The following PALLD variants were observed in gnomAD, a reference collection of about 807,000 sequenced individuals.
PALLD encodes the protein palladin.
PALLD carries 61 observed loss-of-function variants against 123.5 expected under a neutral mutation model. The ratio of observed to expected loss-of-function variants is 0.49; its 90% CI spans 0.40 to 0.61. The LOEUF (loss-of-function observed/expected upper bound fraction) is 0.61. PALLD is among the 20% of genes least tolerant of loss of function. PALLD has a pLI of 0.00. For missense variants in PALLD, 1,273 were observed against 1,377.0 expected (o/e 0.92, Z 1.20); for synonymous variants, 465 against 496.4 (o/e 0.94, Z 0.84).
At position 168,926,376 on chromosome 4, in the gene PALLD, G is replaced by A. The variant is rs896702235; in HGVS notation, c.*196G>A. On this transcript the variant is annotated 3_prime_UTR_variant, in exon 22 of 22. Coordinates refer to ENST00000505667, the MANE Select transcript of PALLD (RefSeq NM_001166108.2). The stretch of plus-strand genomic sequence containing the variant: ...TGAATACTGCCTTGGTAGAAAGTGA[G>A]GACCTGTAATCCAGCATTCTTGTTA... 4.6e-6 allele frequency: 7 copies of A among 1,536,544 alleles called. No individual in the cohort carries two copies. The highest frequency in any genetic ancestry group is 2.7e-5 in the African/African-American group (2 of 72,994).
intron 2 of PALLD, among the ~76,000 whole-genome samples, chr4:168,543,875 C>T (rs1207502355): frequency 6.6e-6 from 1 of 152,144 alleles, no homozygotes; most frequent in Admixed American, 6.5e-5. Context: ...GGAAGAGATC[C>T]TTCTAGTTTT....
chr4:168,784,295 T>G (rs1581451396), intron 10 of PALLD, among the ~76,000 whole-genome samples: 1 of 149,954 alleles, frequency 6.7e-6, no homozygotes, highest in African/African-American at 2.5e-5. Flanking sequence ...ATTGTGCCAC[T>G]GCACTTCAGC....
chr4:168,741,648 C>T (rs551628067), intron 10 of PALLD, among the ~76,000 whole-genome samples: 13 of 152,068 alleles, frequency 8.5e-5, no homozygotes, highest in African/African-American at 1.2e-4. Context: ...TGTGTCACTG[C>T]GCTCCAGCCT....
chr4:168,579,600 T>C (rs1770019831), intron 2 of PALLD, among the ~76,000 whole-genome samples: 1 of 152,006 alleles, frequency 6.6e-6, no homozygotes, highest in Non-Finnish European at 1.5e-5. Context: ...TAAAGGAAAA[T>C]TAACAAATTA....
chr4:168,734,075 C>T (rs1787482096), intron 10 of PALLD, among the ~76,000 whole-genome samples: 1 of 152,142 alleles, frequency 6.6e-6, no homozygotes, highest in South Asian at 2.1e-4. Flanking sequence ...GTTAAAATCT[C>T]AAATCCTGAG....
intron 10 of PALLD, among the ~76,000 whole-genome samples, chr4:168,720,248 C>T (rs1785861914): frequency 6.6e-6 from 1 of 152,184 alleles, no homozygotes; most frequent in African/African-American, 2.4e-5. Flanking sequence ...GAAGAATGGC[C>T]AATCCCTAAA....
intron 2 of PALLD, among the ~76,000 whole-genome samples, chr4:168,559,253 C>T (rs1767621725): frequency 6.6e-6 from 1 of 152,166 alleles, no homozygotes; most frequent in African/African-American, 2.4e-5. Flanking sequence ...CCTCTGAAAA[C>T]TCTAATTAGT....
rs28447399 is a variant in PALLD, at chr4:168,671,520, T to C, written c.1087+3152T>C. Among the ~76,000 whole-genome samples, 784 of 152,178 alleles carry C rather than the reference T, an allele frequency of 5.2e-3. 4 individuals are homozygous for C. Among genetic ancestry groups the C allele is most frequent in the African/African-American group, 0.018 (755 of 41,532 alleles). ...GACTTTAGATAAATTGAAGGGAGAG[T>C]AAGGAAACTGGACATAGCAAGAATG... On this transcript the variant is annotated intron_variant, in intron 3 of 21. Transcript: ENST00000505667.
At chr4:168,793,197 G>A (rs1737825440) in intron 10 of PALLD, among the ~76,000 whole-genome samples, 1 of 104,958 alleles carries the variant, frequency 9.5e-6, no homozygotes, top group Non-Finnish European at 1.9e-5. Flanking sequence ...ATATATATGT[G>A]TGCATATATA....
intron 2 of PALLD, among the ~76,000 whole-genome samples, chr4:168,545,177 T>C (rs1192075596): frequency 6.6e-6 from 1 of 152,170 alleles, no homozygotes; most frequent in Non-Finnish European, 1.5e-5. Context: ...ACTTAGTATC[T>C]CTCTAAAGCC....
At chr4:168,735,810 T>C (rs560060939) in intron 10 of PALLD, among the ~76,000 whole-genome samples, 125 of 152,348 alleles carry the variant, frequency 8.2e-4, no homozygotes, top group Non-Finnish European at 1.2e-3. Flanking sequence ...GTCTGTCTTC[T>C]GAACAAGCGA....
At chr4:168,623,141 T>G (rs1163302243) in intron 2 of PALLD, among the ~76,000 whole-genome samples, 2 of 152,154 alleles carry the variant, frequency 1.3e-5, no homozygotes, top group Non-Finnish European at 2.9e-5. Flanking sequence ...AAAATACACA[T>G]TTTTGGAAAC....
rs114395523 is a variant in PALLD at position 168,766,569 on chromosome 4, G to A, written c.1964+54646G>A. Among the ~76,000 whole-genome samples the A allele has an allele frequency of 8.8e-3, 1,343 of 152,310 alleles. 17 individuals are homozygous for A. The highest frequency in any genetic ancestry group is 0.03 in the African/African-American group (1,247 of 41,562). On this transcript the variant is annotated intron_variant, in intron 10 of 21. Coordinates refer to ENST00000505667, the MANE Select transcript of PALLD (RefSeq NM_001166108.2). ...GAATGGACACATGCAGAGACGGAGAGCCTGTTTCCTGAGAAGGCCAAGCCA... is the reference window on the plus strand; with the variant it reads ...GAATGGACACATGCAGAGACGGAGAACCTGTTTCCTGAGAAGGCCAAGCCA...
At chr4:168,722,731 T>C (rs1314420879) in intron 10 of PALLD, among the ~76,000 whole-genome samples, 2 of 152,228 alleles carry the variant, frequency 1.3e-5, no homozygotes, top group African/African-American at 4.8e-5. Context: ...TCAGCAATAA[T>C]GAGCACTGTG....
rs1281281779 is a variant in PALLD, at chr4:168,927,439, G to GT, written c.*1262dup. ...CTGTGGAGATTGCAGTGTGTCTGAG[G>GT]TTTGTGTAGTAGTGGAAGATTTTAG... is the stretch of plus-strand genomic sequence containing the variant. On this transcript the variant is annotated 3_prime_UTR_variant, in exon 22 of 22. Transcript: ENST00000505667. The GT allele has an allele frequency of 1.7e-5, 4 of 232,772 alleles. No individual in the cohort carries two copies. Among genetic ancestry groups the GT allele is most frequent in the African/African-American group, 8.8e-5 (4 of 45,334 alleles). 14.4% of individuals were successfully genotyped at this position (232,772 alleles called of 1,614,324 possible). A position where few individuals can be genotyped will look rare whatever the true frequency, so the allele number is the denominator to read the frequency against.
Position 168,841,219 on chromosome 4 carries a change from G to A in PALLD, c.1965-49703G>A, listed in dbSNP as rs1745994791. ...TTCCCAAGGTGAGCTGTTGGACCTGGATCTCCTGAGGCCAACTGTGTTTTT... is the reference window on the plus strand; with the variant it reads ...TTCCCAAGGTGAGCTGTTGGACCTGAATCTCCTGAGGCCAACTGTGTTTTT... On this transcript the variant is annotated intron_variant, in intron 10 of 21. Transcript: ENST00000505667. Among the ~76,000 whole-genome samples, 3 of 152,134 alleles carry A rather than the reference G, an allele frequency of 2.0e-5. 1 individual carries two copies. Among genetic ancestry groups the A allele is most frequent in the African/African-American group, 7.2e-5 (3 of 41,434 alleles).
chr4:168,529,827 TAAA>T (rs1300589081), intron 2 of PALLD, among the ~76,000 whole-genome samples: 1 of 152,198 alleles, frequency 6.6e-6, no homozygotes, highest in Non-Finnish European at 1.5e-5. Context: ...AATAAATACT[TAAA>T]GAAGTAATTG....
At chr4:168,912,345 C>G (rs996204831) in intron 15 of PALLD, among the ~76,000 whole-genome samples, 9 of 152,176 alleles carry the variant, frequency 5.9e-5, no homozygotes, top group African/African-American at 1.9e-4. Flanking sequence ...CTTGTTTTTC[C>G]TCTCTTGCTG....
intron 2 of PALLD, among the ~76,000 whole-genome samples, chr4:168,642,843 C>T (rs72699812): frequency 0.057 from 8,625 of 152,292 alleles, 360 homozygotes; most frequent in Non-Finnish European, 0.086. Context: ...CCTGTACATT[C>T]GTCTCTACTG....
Sources: allele counts gnomAD v4.1 joint callset (sites outside exome capture counted in the v4.1 genomes callset), GRCh38; gene constraint gnomAD v4.1.1; transcripts MANE v1.5; gene names NCBI Gene and HGNC (gene_info 2026-07-23, HGNC 2026-07-21).